FHIT: variants seen among roughly 807,000 people sequenced by gnomAD.
FHIT encodes the protein bis(5'-adenosyl)-triphosphatase.
Under a neutral mutation model 17.9 loss-of-function variants are expected in FHIT, and 19 were observed. The ratio of observed to expected loss-of-function variants is 1.06; its 90% CI spans 0.74 to 1.56. The LOEUF (loss-of-function observed/expected upper bound fraction) is 1.56. Ranked by LOEUF, FHIT falls within the 40% of genes most tolerant of loss-of-function variation. The pLI is 0.00. For missense variants in FHIT, 248 were observed against 189.2 expected (o/e 1.31, Z -1.82); for synonymous variants, 81 against 69.7 (o/e 1.16, Z -0.81).
At chr3:60,639,098 AC>A (rs137941711) in intron 4 of FHIT, among the ~76,000 whole-genome samples, 2,788 of 148,984 alleles carry the variant, frequency 0.019, 101 homozygotes, top group African/African-American at 0.066. Context: ...AAGAAAGCCC[AC>A]TGAGGTGAGC....
At chr3:60,441,501 G>A (rs1193934910) in intron 5 of FHIT, among the ~76,000 whole-genome samples, 1 of 151,210 alleles carries the variant, frequency 6.6e-6, no homozygotes, top group Non-Finnish European at 1.5e-5. Flanking sequence ...TTGAACAACT[G>A]TTTCTTTTTT....
intron 3 of FHIT, among the ~76,000 whole-genome samples, chr3:60,913,113 A>G (rs1706827425): frequency 6.6e-6 from 1 of 152,234 alleles, no homozygotes; most frequent in Non-Finnish European, 1.5e-5. Flanking sequence ...TTGGTTAAAC[A>G]GACACCATGC....
chr3:60,201,351 T>G (rs921218517), intron 5 of FHIT, among the ~76,000 whole-genome samples: 1 of 152,116 alleles, frequency 6.6e-6, no homozygotes, highest in Non-Finnish European at 1.5e-5. Context: ...ACCACAATAC[T>G]ATCTATTTTT....
At chr3:60,266,714 G>C (rs925875476) in intron 5 of FHIT, among the ~76,000 whole-genome samples, 2 of 151,978 alleles carry the variant, frequency 1.3e-5, no homozygotes, top group African/African-American at 4.8e-5. Context: ...GAGTAAAATA[G>C]AGGGTCTCTG....
intron 5 of FHIT, among the ~76,000 whole-genome samples, chr3:60,505,526 G>A (rs997187977): frequency 2.4e-4 from 37 of 152,222 alleles, no homozygotes; most frequent in African/African-American, 7.7e-4. Context: ...TTTTTAAGCC[G>A]TTTGTAACTA....
intron 3 of FHIT, among the ~76,000 whole-genome samples, chr3:60,968,985 GA>G (rs1709879490): frequency 6.6e-6 from 1 of 151,764 alleles, no homozygotes; most frequent in Non-Finnish European, 1.5e-5. Flanking sequence ...TTTTGGCTAG[GA>G]TTTTTTTTTC....
At chr3:60,272,817 C>T (rs535003142) in intron 5 of FHIT, among the ~76,000 whole-genome samples, 14 of 152,176 alleles carry the variant, frequency 9.2e-5, no homozygotes, top group Non-Finnish European at 2.1e-4. Flanking sequence ...CGTGTGCAAA[C>T]GGATACTGTG....
chr3:60,875,169 C>A lies in FHIT; in HGVS notation c.-110-53158G>T, dbSNP rs74390628. ...CTGGCTTCTTTATTCTTCCTCCCAC[C>A]TACATACTTGAACCCATCCAAAGAA... On this transcript the variant is annotated intron_variant, in intron 3 of 9. Coordinates refer to ENST00000492590, the MANE Select transcript of FHIT (RefSeq NM_002012.4). Among the ~76,000 whole-genome samples the A allele has an allele frequency of 7.7e-3, 1,165 of 152,192 alleles. 24 individuals are homozygous for A. Among genetic ancestry groups the A allele is most frequent in the African/African-American group, 0.026 (1,094 of 41,534 alleles).
chr3:61,093,962 A>G (rs1328565010), intron 2 of FHIT, among the ~76,000 whole-genome samples: 1 of 152,258 alleles, frequency 6.6e-6, no homozygotes, highest in Admixed American at 6.5e-5. Context: ...AATATCAGCA[A>G]GAATTAGTGC....
intron 4 of FHIT, among the ~76,000 whole-genome samples, chr3:60,539,051 G>A (rs1274751683): frequency 2.0e-5 from 3 of 152,006 alleles, no homozygotes; most frequent in African/African-American, 7.3e-5. Flanking sequence ...ATCTGACAAA[G>A]GGCTAATATC....
At chr3:59,812,033 C>T (rs1329741996) in intron 8 of FHIT, among the ~76,000 whole-genome samples, 1 of 152,156 alleles carries the variant, frequency 6.6e-6, no homozygotes, top group Non-Finnish European at 1.5e-5. Flanking sequence ...TGGTTCTCAA[C>T]TGGGGGAGAT....
rs532948119 is a variant in FHIT at position 60,585,045 on chromosome 3, T to A, written c.-17-48066A>T. ...CATCAACAAAACTATTTTAATACAA[T>A]CCTTTCCCTCTACTTCTGCAAGATT... is the stretch of plus-strand genomic sequence containing the variant. On this transcript the variant is annotated intron_variant, in intron 4 of 9. Transcript: ENST00000492590. Among the ~76,000 whole-genome samples the A allele has an allele frequency of 7.2e-5, 11 of 152,074 alleles. No homozygotes were observed. In the South Asian group the frequency reaches 2.1e-3, roughly 29 times the overall value.
At chr3:60,417,918 A>T (rs1702312149) in intron 5 of FHIT, among the ~76,000 whole-genome samples, 1 of 152,154 alleles carries the variant, frequency 6.6e-6, no homozygotes, top group African/African-American at 2.4e-5. Flanking sequence ...CATGGCCGAA[A>T]TCTCCCGAGC....
At chr3:60,880,192 C>G (rs35927692) in intron 3 of FHIT, among the ~76,000 whole-genome samples, 1 of 151,938 alleles carries the variant, frequency 6.6e-6, no homozygotes, top group Non-Finnish European at 1.5e-5. Context: ...TTCAGCAGAA[C>G]CTTATAGACC....
intron 3 of FHIT, among the ~76,000 whole-genome samples, chr3:60,927,583 C>T (rs189960867): frequency 0.016 from 2,473 of 151,628 alleles, 74 homozygotes; most frequent in African/African-American, 0.058. Flanking sequence ...GTGGGGAGCG[C>T]CTCTGCCCGG....
chr3:61,133,982 G>A (rs1393435341), intron 2 of FHIT, among the ~76,000 whole-genome samples: 1 of 152,152 alleles, frequency 6.6e-6, no homozygotes, highest in Admixed American at 6.5e-5. Context: ...CAGCTACTCA[G>A]GAGGCTGAGG....
At chr3:60,041,227 C>T (rs1163690346) in intron 5 of FHIT, among the ~76,000 whole-genome samples, 2 of 152,192 alleles carry the variant, frequency 1.3e-5, no homozygotes, top group Non-Finnish European at 2.9e-5. Context: ...CCAACTGCTC[C>T]TCAGACTCTC....
At chr3:60,625,645 T>C (rs1553680671) in intron 4 of FHIT, among the ~76,000 whole-genome samples, 1 of 152,212 alleles carries the variant, frequency 6.6e-6, no homozygotes, top group African/African-American at 2.4e-5. Context: ...ACAAGTCTCT[T>C]ATCAGATATA....
intron 5 of FHIT, among the ~76,000 whole-genome samples, chr3:60,517,302 A>T (rs1183470740): frequency 1.3e-5 from 2 of 152,182 alleles, no homozygotes; most frequent in Admixed American, 1.3e-4. Context: ...TATTTATATT[A>T]TTGCCATATA....
Sources: allele counts gnomAD v4.1 joint callset (sites outside exome capture counted in the v4.1 genomes callset), GRCh38; gene constraint gnomAD v4.1.1; transcripts MANE v1.5; gene names NCBI Gene and HGNC (gene_info 2026-07-23, HGNC 2026-07-21).